Variants in KLRG1 observed in about 807,000 individuals in gnomAD.
The protein encoded by KLRG1 is killer cell lectin-like receptor subfamily G member 1.
Under a neutral mutation model 21.8 loss-of-function variants are expected in KLRG1, and 16 were observed. The observed-to-expected ratio is 0.73, with a 90% CI of 0.50 to 1.11. The LOEUF (loss-of-function observed/expected upper bound fraction) is 1.11, where lower values mean the gene tolerates loss of function less well. KLRG1 is among the 50% of genes most tolerant of loss of function. The pLI, the probability that KLRG1 is intolerant of heterozygous loss-of-function variation, is 0.00. For synonymous variants in KLRG1, 69 were observed against 75.9 expected (o/e 0.91, Z 0.47); for missense variants, 173 against 218.3 (o/e 0.79, Z 1.31).
chr12:9,106,593 C>T, the KLRG1 span: 1 of 1,568,972 alleles, frequency 6.4e-7, no homozygotes, highest in Non-Finnish European at 8.7e-7. Context: ...TAGAAGCAGC[C>T]ATGGCTGTTT....
At chr12:9,204,760 G>T in the KLRG1 span, among the ~76,000 whole-genome samples, 10 of 151,734 alleles carry the variant, frequency 6.6e-5, no homozygotes, top group East Asian at 1.9e-3. Context: ...TGTTTGTTTC[G>T]AATCACATGG....
the KLRG1 span, among the ~76,000 whole-genome samples, chr12:9,027,258 C>CAAAAAAAAA: frequency 7.4e-6 from 1 of 134,644 alleles, no homozygotes; most frequent in African/African-American, 2.7e-5. Context: ...AGCATGGGTG[C>CAAAAAAAAA]AAAAAAAAAA....
the KLRG1 span, chr12:9,159,864 A>C: frequency 6.2e-6 from 8 of 1,295,882 alleles, no homozygotes; most frequent in East Asian, 1.6e-4. Flanking sequence ...GCAACAGAAA[A>C]TGGACTAAGA....
At chr12:9,177,766 ACACT>A in the KLRG1 span, among the ~76,000 whole-genome samples, 1 of 152,190 alleles carries the variant, frequency 6.6e-6, no homozygotes, top group Non-Finnish European at 1.5e-5. Flanking sequence ...CACTTCCACA[ACACT>A]CAAAGTTTAC....
At chr12:9,197,265 A>G in the KLRG1 span, 4 of 569,238 alleles carry the variant, frequency 7.0e-6, no homozygotes, top group African/African-American at 8.0e-5. Flanking sequence ...CTGTCTGGAA[A>G]ATGTCTCCCT....
At chr12:9,157,101 C>T in the KLRG1 span, 1 of 1,428,432 alleles carries the variant, frequency 7.0e-7, no homozygotes, top group South Asian at 1.3e-5. Context: ...CCCAGACAGG[C>T]CCCAATGTGT....
chr12:9,211,304 C>A, the KLRG1 span, among the ~76,000 whole-genome samples: 5 of 151,076 alleles, frequency 3.3e-5, no homozygotes, highest in African/African-American at 1.2e-4. Context: ...AATTTTTTTT[C>A]TTTTTTCACC....
chr12:9,011,403 T>G (rs1947630609), downstream of KLRG1, among the ~76,000 whole-genome samples: 1 of 152,230 alleles, frequency 6.6e-6, no homozygotes, highest in African/African-American at 2.4e-5. Flanking sequence ...AAACTAACAT[T>G]TTTTGATTAG....
chr12:9,091,499 T>C, the KLRG1 span: 2 of 1,502,252 alleles, frequency 1.3e-6, no homozygotes, highest in African/African-American at 1.4e-5. Flanking sequence ...AGAGAATCCC[T>C]AGGAATGATT....
chr12:9,061,887 G>A, the KLRG1 span, among the ~76,000 whole-genome samples: 2 of 151,978 alleles, frequency 1.3e-5, no homozygotes, highest in African/African-American at 2.4e-5. Flanking sequence ...TAATATTTTC[G>A]TAGCTAGTGT....
At chr12:9,193,996 T>A in the KLRG1 span, 2 of 1,284,746 alleles carry the variant, frequency 1.6e-6, no homozygotes, top group Middle Eastern at 2.2e-4. Context: ...TACTCTTAAA[T>A]GCAATCTGTA....
Position 8,960,616 on chromosome 12 carries a change from A to T in KLRG1, c.-156+10380A>T, listed in dbSNP as rs74060264. Among the ~76,000 whole-genome samples, 732 of 152,252 alleles carry T rather than the reference A, an allele frequency of 4.8e-3. 6 individuals are homozygous for T. Among genetic ancestry groups the T allele is most frequent in the African/African-American group, 0.017 (699 of 41,532 alleles). On this transcript the variant is annotated intron_variant, in intron 1 of 4. Transcript: ENST00000539240. Reference sequence around the variant, plus strand: ...AAGCATGGATCCATGGATTGTTCACATTTTTGCATGTCTTTCAAGCAGAGG... The same window carrying T: ...AAGCATGGATCCATGGATTGTTCACTTTTTTGCATGTCTTTCAAGCAGAGG...
Position 8,992,282 on chromosome 12 carries a change from G to C in KLRG1, c.159G>C (p.Val53=), listed in dbSNP as rs1373705112. Residue 53 remains valine, a synonymous_variant, in exon 2 of 5, where the codon GTG becomes GTC. Transcript: ENST00000356986. The part of the protein sequence containing the change: ...LGLLTAVLLS[V]LLYQWILCQG... ...TTCTGACTGCAGTTCTTCTGAGTGT[G>C]CTGCTATACCAGTGGATCCTGTGCC... 1.2e-6 allele frequency: 2 copies of C among 1,613,758 alleles called. No homozygotes were observed. Among genetic ancestry groups the C allele is most frequent in the South Asian group, 2.2e-5 (2 of 91,032 alleles).
chr12:9,042,431 C>T, the KLRG1 span, among the ~76,000 whole-genome samples: 2 of 152,162 alleles, frequency 1.3e-5, no homozygotes, highest in Non-Finnish European at 2.9e-5. Context: ...AGCTGTAGAC[C>T]TTTGTGTAGA....
the KLRG1 span, among the ~76,000 whole-genome samples, chr12:9,120,004 C>CT: frequency 1.3e-5 from 2 of 152,178 alleles, no homozygotes; most frequent in African/African-American, 2.4e-5. Context: ...TGAGCCTCAG[C>CT]TTTCATGCCA....
At chr12:9,142,780 C>G in the KLRG1 span, among the ~76,000 whole-genome samples, 1 of 152,064 alleles carries the variant, frequency 6.6e-6, no homozygotes, top group Non-Finnish European at 1.5e-5. Context: ...ACAAGTAAAG[C>G]TGAGAGACAA....
chr12:9,104,213 C>T, the KLRG1 span: 1 of 1,598,838 alleles, frequency 6.3e-7, no homozygotes, highest in South Asian at 1.2e-5. Flanking sequence ...TACTTCATGT[C>T]ATTGGTAATT....
chr12:9,093,644 T>C, the KLRG1 span: 36 of 853,182 alleles, frequency 4.2e-5, no homozygotes, highest in Non-Finnish European at 5.8e-5. Context: ...GAGAATGTAA[T>C]AGTTGCCACC....
the KLRG1 span, chr12:9,068,603 G>A: frequency 0.48 from 340,887 of 709,698 alleles, 87,993 homozygotes; most frequent in African/African-American, 0.76. Context: ...CAAAAAGAGG[G>A]GCATCAGACT....
Sources: gnomAD v4.1 joint callset for allele counts (sites outside exome capture counted in the v4.1 genomes callset) on GRCh38, gnomAD v4.1.1 for gene constraint, MANE v1.5 for transcripts, NCBI Gene and HGNC (gene_info 2026-07-23, HGNC 2026-07-21) for gene names.